The following WFS1 variants were observed in gnomAD, a reference collection of about 807,000 sequenced individuals.
WFS1 encodes the protein wolframin ER transmembrane glycoprotein.
WFS1 carries 90 observed loss-of-function variants against 68.5 expected under a neutral mutation model. The ratio of observed to expected loss-of-function variants is 1.31; its 90% CI spans 1.11 to 1.56. WFS1 has a LOEUF of 1.56. Among genes scored for constraint, WFS1 ranks in the 40% most tolerant of loss-of-function variants. The pLI is 0.00. For missense variants in WFS1, 1,767 were observed against 1,232.6 expected (o/e 1.43, Z -6.49); for synonymous variants, 860 against 540.7 (o/e 1.59, Z -8.19).
At chr4:6,299,892 AGGGGTGGGTTGTGTGTGTGTGTAT>A (rs1447796415) in intron 7 of WFS1, among the ~76,000 whole-genome samples, 2 of 30,142 alleles carry the variant, frequency 6.6e-5, no homozygotes, top group African/African-American at 2.1e-4. Context: ...GTGTGTGTGT[AGGGGTGGGTTGTGTGTGTGTGTAT>A]GGGGTGGGTT....
At position 6,277,445 on chromosome 4, in the gene WFS1, T is replaced by C. The variant is rs969064307; in HGVS notation, c.-5-6T>C. The C allele has an allele frequency of 2.6e-6, 4 of 1,551,436 alleles. No individual in the cohort carries two copies. Among genetic ancestry groups the C allele is most frequent in the Non-Finnish European group, 3.5e-6 (4 of 1,147,488 alleles). ...TGGATGTGCCTGACCTTGACTTTTC[T>C]TCCAGGCAGGATGGACTCCAACACT... is the stretch of plus-strand genomic sequence containing the variant. On this transcript the variant is annotated splice_region_variant and splice_polypyrimidine_tract_variant and intron_variant, in intron 1 of 7. Transcript: ENST00000226760.
chr4:6,298,282 G>A (rs1320341673), intron 7 of WFS1, among the ~76,000 whole-genome samples: 6 of 152,210 alleles, frequency 3.9e-5, no homozygotes, highest in Admixed American at 1.3e-4. Flanking sequence ...TACTACAGGG[G>A]CTTGCCCCAA....
At chr4:6,289,252 A>G (rs1730397557) in intron 4 of WFS1, 121 bp downstream of exon 4, 7 of 1,371,960 alleles carry the variant, frequency 5.1e-6, no homozygotes, top group South Asian at 1.4e-5. Flanking sequence ...GGGAAATTTC[A>G]GTTTCTGTTT....
chr4:6,302,001 G>C lies in WFS1; in HGVS notation c.2206G>C (p.Gly736Arg), dbSNP rs71532864. 6.2e-7 allele frequency: 1 copy of C among 1,612,532 alleles called. No homozygotes were observed. Among genetic ancestry groups the C allele is most frequent in the South Asian group, 1.1e-5 (1 of 91,068 alleles). The change falls in exon 8 of 8, where the codon GGC becomes CGC. Residue 736 changes from glycine (G) to arginine (R), a missense_variant. Physicochemically the swap from Gly to Arg is moderately radical, Grantham distance 125. Transcript: ENST00000226760. ...CGGCGACTGGATGCGCTGCCTCTAC[G>C]GCGAGGCCTACCCTGCCTGCAGCCC... is the stretch of plus-strand genomic sequence containing the variant. ...FIGDWMRCLYGEAYPACSPGN... is the reference protein window; with the variant it reads ...FIGDWMRCLYREAYPACSPGN...
chr4:6,279,713 T>C (rs1434276809), intron 2 of WFS1, among the ~76,000 whole-genome samples: 1 of 152,150 alleles, frequency 6.6e-6, no homozygotes, highest in Non-Finnish European at 1.5e-5. Flanking sequence ...ACAACCCACA[T>C]TGCAGTCCCC....
intron 7 of WFS1, among the ~76,000 whole-genome samples, chr4:6,299,063 G>A (rs1278949251): frequency 6.6e-6 from 1 of 152,264 alleles, no homozygotes; most frequent in Non-Finnish European, 1.5e-5. Context: ...AAGATGCACA[G>A]AACCTGCTTT....
Position 6,301,679 on chromosome 4 carries a change from G to A in WFS1, c.1884G>A (p.Thr628=), listed in dbSNP as rs71532860. 2.7e-5 allele frequency: 44 copies of A among 1,614,104 alleles called. No homozygotes were observed. Among genetic ancestry groups the A allele is most frequent in the South Asian group, 1.6e-4 (15 of 91,086 alleles). The part of the protein sequence containing the change: ...FSVVGMVKSL[T]RSSMVKLILV... ...TGGTGGGGATGGTGAAGTCCCTGAC[G>A]CGGAGCTCCATGGTCAAGCTCATCC... Residue 628 remains threonine, a synonymous_variant, in exon 8 of 8, where the codon ACG becomes ACA. Transcript: ENST00000226760.
chr4:6,294,815 G>GGGGGCCA, intron 6 of WFS1: 1 of 596,814 alleles, frequency 1.7e-6, no homozygotes, highest in Non-Finnish European at 2.9e-6. Context: ...CCCAGGGGCC[G>GGGGGCCA]GGGGCCAGGA....
chr4:6,297,996 A>C (rs1287739226), intron 7 of WFS1, among the ~76,000 whole-genome samples: 1 of 152,224 alleles, frequency 6.6e-6, no homozygotes, highest in African/African-American at 2.4e-5. Context: ...CTTGTCTTTT[A>C]AAGGCCCTCT....
intron 7 of WFS1, 69 bp downstream of exon 7, chr4:6,295,258 C>T: frequency 1.3e-6 from 2 of 1,595,712 alleles, no homozygotes; most frequent in Non-Finnish European, 1.7e-6. Flanking sequence ...AGGCAGGGCA[C>T]CTTCCAGGAA....
chr4:6,289,671 G>A (rs1730409259), intron 4 of WFS1, among the ~76,000 whole-genome samples: 1 of 152,228 alleles, frequency 6.6e-6, no homozygotes, highest in South Asian at 2.1e-4. Context: ...GCCAGGGGTG[G>A]TGAGTTAGGA....
In WFS1 at chr4:6,287,349, G is replaced by C; in HGVS notation, c.315+174G>C. On this transcript the variant is annotated intron_variant, in intron 3 of 7. Coordinates refer to ENST00000226760, the MANE Select transcript of WFS1 (RefSeq NM_006005.3). This position sits in a 1 kb window ranked among gnomAD's most constrained non-coding sequence, Gnocchi z 6.4. ...TGTTGGTAGGGTGCCCATGTTCACT[G>C]TGCCAGTTTTCCTCCTGGCACTCCT... The C allele has an allele frequency of 1.5e-6, 1 of 657,344 alleles. No homozygotes were observed. The highest frequency in any genetic ancestry group is 2.8e-6 in the Non-Finnish European group (1 of 362,548). 40.7% of individuals were successfully genotyped at this position (657,344 alleles called of 1,614,324 possible).
At position 6,301,439 on chromosome 4, in the gene WFS1, G is replaced by C. The variant is rs71539648; in HGVS notation, c.1644G>C (p.Leu548=). Residue 548 remains leucine (L), a synonymous_variant, in exon 8 of 8, where the codon CTG becomes CTC. Coordinates refer to ENST00000226760, the MANE Select transcript of WFS1 (RefSeq NM_006005.3). ...FMWCELSVVI[L]LESTGLGLLR... Reference sequence around the variant, plus strand: ...GGTGTGAGCTCTCCGTGGTCATCCTGCTGGAGTCCACCGGCCTGGGGCTGC... The same window carrying C: ...GGTGTGAGCTCTCCGTGGTCATCCTCCTGGAGTCCACCGGCCTGGGGCTGC... The C allele has an allele frequency of 6.2e-7, 1 of 1,612,446 alleles. No individual in the cohort carries two copies. The highest frequency in any genetic ancestry group is 8.5e-7 in the Non-Finnish European group (1 of 1,180,028).
chr4:6,297,719 C>T (rs1264395501), intron 7 of WFS1, among the ~76,000 whole-genome samples: 1 of 152,164 alleles, frequency 6.6e-6, no homozygotes, highest in Non-Finnish European at 1.5e-5. Flanking sequence ...GTGTTCTATT[C>T]ATAGAGGCAG....
At chr4:6,296,765 A>G (rs1387414363) in intron 7 of WFS1, among the ~76,000 whole-genome samples, 1 of 152,220 alleles carries the variant, frequency 6.6e-6, no homozygotes, top group East Asian at 1.9e-4. Context: ...TCCTGTTCGG[A>G]AAATTATGTC....
At chr4:6,289,704 G>A (rs563002747) in intron 4 of WFS1, among the ~76,000 whole-genome samples, 8 of 152,352 alleles carry the variant, frequency 5.3e-5, no homozygotes, top group African/African-American at 1.7e-4. Context: ...CAAGGGAAGT[G>A]GCTGTCCCTG....
chr4:6,302,155 C>A lies in WFS1; in HGVS notation c.2360C>A (p.Ala787Asp), dbSNP rs748900529. Reference sequence around the variant, plus strand: ...GTGGGCATGCCATTCAGCAGCGGCGCTGACGGCTCGCGCAGCCGCGAGGAG... The same window carrying A: ...GTGGGCATGCCATTCAGCAGCGGCGATGACGGCTCGCGCAGCCGCGAGGAG... ...ITVGMPFSSG[A>D]DGSRSREEDD... is the part of the protein sequence containing the mutation. Residue 787 changes from alanine to aspartate, a missense_variant, in exon 8 of 8, where the codon GCT becomes GAT. Coordinates refer to ENST00000226760, the MANE Select transcript of WFS1 (RefSeq NM_006005.3). 22 of 1,612,764 alleles carry A rather than the reference C, an allele frequency of 1.4e-5. No individual in the cohort carries two copies. Among genetic ancestry groups the A allele is most frequent in the Non-Finnish European group, 1.4e-5 (16 of 1,180,012 alleles).
Position 6,302,600 on chromosome 4 carries a change from G to A in WFS1, c.*132G>A, listed in dbSNP as rs961279619. ...CAGACTGTGGCTGCAGAGACCTTGC[G>A]ACCATGTGTAGATTGCGTGGACCCC... On this transcript the variant is annotated 3_prime_UTR_variant, in exon 8 of 8. Coordinates refer to ENST00000226760, the MANE Select transcript of WFS1 (RefSeq NM_006005.3). The A allele has an allele frequency of 5.6e-5, 76 of 1,355,934 alleles. No individual in the cohort carries two copies. Among genetic ancestry groups the A allele is most frequent in the Admixed American group, 2.4e-4 (12 of 50,048 alleles). The allele number at this position is 1,355,934 out of a possible 1,614,324, so 84.0% of individuals were successfully genotyped here.
intron 4 of WFS1, among the ~76,000 whole-genome samples, chr4:6,290,778 CAG>C (rs1017582750): frequency 6.6e-6 from 1 of 152,204 alleles, no homozygotes; most frequent in Admixed American, 6.5e-5. Flanking sequence ...TCTGTAGACA[CAG>C]GGGTGGCCCT....
Sources: gnomAD v4.1 joint callset for allele counts (sites outside exome capture counted in the v4.1 genomes callset) on GRCh38, gnomAD v4.1.1 for gene constraint, Gnocchi (gnomAD v3.1) non-coding constraint, MANE v1.5 for transcripts, NCBI Gene and HGNC (gene_info 2026-07-23, HGNC 2026-07-21) for gene names.